Variants in DNAH3 observed in about 807,000 individuals in gnomAD.
DNAH3 encodes axonemal beta dynein heavy chain 3.
DNAH3 carries 332 observed loss-of-function variants against 432.5 expected under a neutral mutation model. That is an observed-to-expected ratio of 0.77 (90% CI 0.70 to 0.84). The LOEUF (loss-of-function observed/expected upper bound fraction) is 0.84, where lower values mean the gene tolerates loss of function less well. DNAH3 is among the 40% of genes least tolerant of loss of function. The probability of loss-of-function intolerance (pLI) is 0.00; values close to 1 mark genes in which losing one functional copy is unlikely to be tolerated. For synonymous variants in DNAH3, 1,956 were observed against 1,900.2 expected (o/e 1.03, Z -0.76); for missense variants, 4,861 against 5,114.0 (o/e 0.95, Z 1.51).
chr16:21,153,645 C>T (rs1023187668), intron 1 of DNAH3, among the ~76,000 whole-genome samples: 5 of 152,154 alleles, frequency 3.3e-5, no homozygotes, highest in South Asian at 2.1e-4. Flanking sequence ...CGGTGAAGGT[C>T]TGCAGCTTCA....
chr16:20,971,143 C>G (rs866329040), intron 51 of DNAH3, among the ~76,000 whole-genome samples: 1 of 152,070 alleles, frequency 6.6e-6, no homozygotes, highest in Non-Finnish European at 1.5e-5. Context: ...GCTGGGATTA[C>G]AAGCATGAGC....
chr16:20,953,143 GTTTT>G (rs1169325301), intron 55 of DNAH3, among the ~76,000 whole-genome samples: 1 of 151,306 alleles, frequency 6.6e-6, no homozygotes, highest in Non-Finnish European at 1.5e-5. Flanking sequence ...GCTTTTGTTT[GTTTT>G]GTTTTTTTGT....
At chr16:20,979,672 ACT>A (rs2085764921) in intron 49 of DNAH3, 126 bp from the exon 50 acceptor site, 2 of 817,522 alleles carry the variant, frequency 2.4e-6, no homozygotes, top group East Asian at 5.2e-5. Flanking sequence ...TAGAATCCAA[ACT>A]CTCTGAGGAC....
At chr16:20,991,755 C>G (rs1385486701) in intron 44 of DNAH3, among the ~76,000 whole-genome samples, 1 of 152,134 alleles carries the variant, frequency 6.6e-6, no homozygotes, top group Non-Finnish European at 1.5e-5. Context: ...AAATTTGTAG[C>G]TGGATCCAGA....
At chr16:21,053,618 C>T (rs534702691) in intron 28 of DNAH3, among the ~76,000 whole-genome samples, 1 of 152,158 alleles carries the variant, frequency 6.6e-6, no homozygotes, top group East Asian at 1.9e-4. Flanking sequence ...CCTTCTCCCT[C>T]CCTGATGTTA....
At chr16:20,963,370 G>C (rs762125539) in exon 53 of DNAH3, 3 of 1,614,018 alleles carry the variant, frequency 1.9e-6, no homozygotes, top group East Asian at 2.2e-5. Context: ...GAGATCGAAC[G>C]TAGGGGCTTC....
intron 3 of DNAH3, among the ~76,000 whole-genome samples, chr16:21,143,190 A>C (rs1272060019): frequency 6.6e-6 from 1 of 152,202 alleles, no homozygotes; most frequent in Non-Finnish European, 1.5e-5. Flanking sequence ...TTTTGGACTA[A>C]GAAAATTATT....
intron 32 of DNAH3, 52 bp downstream of exon 32, chr16:21,041,975 G>A (rs1377079321): frequency 6.2e-7 from 1 of 1,605,966 alleles, no homozygotes; most frequent in Non-Finnish European, 8.5e-7. Flanking sequence ...ACCCGGCCCA[G>A]AGGTTTCTAT....
chr16:20,945,811 T>C (rs557460648), intron 57 of DNAH3, among the ~76,000 whole-genome samples: 11 of 152,230 alleles, frequency 7.2e-5, no homozygotes, highest in African/African-American at 2.4e-4. Flanking sequence ...CTTAATTAAC[T>C]TGCTTTTGTT....
At chr16:21,104,563 G>A (rs780444532) in intron 15 of DNAH3, 2 of 1,612,408 alleles carry the variant, frequency 1.2e-6, no homozygotes, top group African/African-American at 2.7e-5. Flanking sequence ...CTGGCCAGAG[G>A]AACAGAGTGC....
rs535254362 is a variant in DNAH3, at chr16:21,062,784, C to A, written c.3519-101G>T. 12 of 841,794 alleles carry A rather than the reference C, an allele frequency of 1.4e-5. No homozygotes were observed. The African/African-American group carries it at 1.7e-4, about 12-fold the overall frequency. 52.1% of individuals were successfully genotyped at this position (841,794 alleles called of 1,614,324 possible). ...AGGTAGTCCGCACCTACGTGAATAC[C>A]AGTTATGTCTTGCGGTCTTCACAAA... is the stretch of plus-strand genomic sequence containing the variant. On this transcript the variant is annotated intron_variant, in intron 24 of 61. Transcript: ENST00000261383.
intron 55 of DNAH3, among the ~76,000 whole-genome samples, chr16:20,954,214 C>A (rs1218864071): frequency 6.1e-5 from 4 of 65,770 alleles, no homozygotes; most frequent in African/African-American, 2.7e-4. Flanking sequence ...CAGAGTGAGA[C>A]CCTATCTCAA....
chr16:21,062,831 T>A, intron 24 of DNAH3, 148 bp from the exon 25 acceptor site: 1 of 634,750 alleles, frequency 1.6e-6, no homozygotes, highest in Non-Finnish European at 2.7e-6. Context: ...TTTTATCACT[T>A]TTCATCTGGG....
intron 3 of DNAH3, among the ~76,000 whole-genome samples, chr16:21,144,029 A>G (rs79211656): frequency 0.01 from 1,571 of 152,296 alleles, 33 homozygotes; most frequent in African/African-American, 0.036. Flanking sequence ...TGAGACAGAG[A>G]GCAGATCAAG....
At chr16:21,125,945 G>C (rs1387234746) in intron 8 of DNAH3, among the ~76,000 whole-genome samples, 2 of 152,170 alleles carry the variant, frequency 1.3e-5, no homozygotes, top group Admixed American at 6.5e-5. Context: ...CCAGGAGTTA[G>C]AGACCAGCCC....
At chr16:21,062,507 T>A in exon 25 of DNAH3, 2 of 1,614,222 alleles carry the variant, frequency 1.2e-6, no homozygotes, top group Non-Finnish European at 1.7e-6. Context: ...GTAGATTTTC[T>A]GTATGAATGG....
intron 61 of DNAH3, among the ~76,000 whole-genome samples, chr16:20,934,359 A>G (rs1360614685): frequency 6.6e-6 from 1 of 152,244 alleles, no homozygotes; most frequent in African/African-American, 2.4e-5. Flanking sequence ...TAAACCCATC[A>G]TAAGTTGAAC....
intron 53 of DNAH3, among the ~76,000 whole-genome samples, chr16:20,960,374 G>A (rs1006390428): frequency 2.0e-5 from 3 of 152,176 alleles, no homozygotes; most frequent in East Asian, 1.9e-4. Context: ...TCAAAGTGCC[G>A]TACCTTCATG....
chr16:21,031,896 C>T (rs1405351945), intron 36 of DNAH3, among the ~76,000 whole-genome samples: 4 of 152,054 alleles, frequency 2.6e-5, no homozygotes, highest in Non-Finnish European at 2.9e-5. Flanking sequence ...GGCGTGGTGG[C>T]GCATGCCTGT....
Sources: allele counts gnomAD v4.1 joint callset (sites outside exome capture counted in the v4.1 genomes callset), GRCh38; gene constraint gnomAD v4.1.1; transcripts MANE v1.5; gene names NCBI Gene and HGNC (gene_info 2026-07-23, HGNC 2026-07-21).